The following DPP6 variants were observed in gnomAD, a reference collection of about 807,000 sequenced individuals.
The protein encoded by DPP6 is A-type potassium channel modulatory protein DPP6.
Under a neutral mutation model 122.6 loss-of-function variants are expected in DPP6, and 69 were observed. That is an observed-to-expected ratio of 0.56 (90% CI 0.46 to 0.69). The LOEUF (loss-of-function observed/expected upper bound fraction) is 0.69. Ranked by LOEUF, DPP6 falls within the 30% of genes least tolerant of loss-of-function variation. DPP6 has a pLI of 0.00. For synonymous variants in DPP6, 418 were observed against 433.1 expected, an observed-to-expected ratio of 0.97 and a Z score of 0.43; for missense variants, 928 against 1,116.9, an observed-to-expected ratio of 0.83 and a Z score of 2.41.
intron 1 of DPP6, among the ~76,000 whole-genome samples, chr7:154,083,139 G>A (rs1228883329): frequency 2.6e-5 from 4 of 151,974 alleles, no homozygotes; most frequent in South Asian, 2.1e-4. Context: ...GTGAGCCACC[G>A]TGCCTGGCCT....
At chr7:154,141,280 A>G (rs548908505) in intron 1 of DPP6, among the ~76,000 whole-genome samples, 2 of 152,354 alleles carry the variant, frequency 1.3e-5, no homozygotes, top group East Asian at 1.9e-4. Context: ...TAAACTTTTC[A>G]GTTAAGAAAA....
At chr7:154,238,564 C>T (rs920252783) in intron 1 of DPP6, among the ~76,000 whole-genome samples, 2 of 152,170 alleles carry the variant, frequency 1.3e-5, no homozygotes, top group African/African-American at 4.8e-5. Flanking sequence ...TGATTCAGAC[C>T]AGCAAACCAA....
intron 1 of DPP6, among the ~76,000 whole-genome samples, chr7:154,407,339 C>T (rs1484537843): frequency 6.6e-6 from 1 of 152,184 alleles, no homozygotes; most frequent in Non-Finnish European, 1.5e-5. Flanking sequence ...TCATTTTATG[C>T]ATGTAATATC....
At chr7:154,698,193 A>C (rs1470248632) in intron 7 of DPP6, among the ~76,000 whole-genome samples, 1 of 152,206 alleles carries the variant, frequency 6.6e-6, no homozygotes, top group Non-Finnish European at 1.5e-5. Context: ...ATTGTATACA[A>C]TTAAATACTT....
intron 1 of DPP6, among the ~76,000 whole-genome samples, chr7:154,296,160 G>A (rs1430137181): frequency 6.6e-6 from 1 of 151,986 alleles, no homozygotes; most frequent in East Asian, 2.0e-4. Flanking sequence ...TAGCCAGGAT[G>A]GTCTCAATCT....
At chr7:154,634,579 T>G (rs1193865030) in intron 5 of DPP6, among the ~76,000 whole-genome samples, 1 of 151,974 alleles carries the variant, frequency 6.6e-6, no homozygotes, top group Non-Finnish European at 1.5e-5. Context: ...GGTTTGGGGG[T>G]TTCTTGCCTA....
chr7:154,680,482 A>G (rs1164127115), intron 7 of DPP6, among the ~76,000 whole-genome samples: 2 of 152,210 alleles, frequency 1.3e-5, no homozygotes, highest in African/African-American at 4.8e-5. Context: ...ACCATTTAAG[A>G]TTATGATTAG....
At chr7:154,346,599 G>C (rs1217307261) in intron 1 of DPP6, among the ~76,000 whole-genome samples, 1 of 152,190 alleles carries the variant, frequency 6.6e-6, no homozygotes, top group African/African-American at 2.4e-5. Context: ...GAGCCACAGT[G>C]CCCAGGCCCT....
chr7:153,948,921 T>G (rs957595644), intron 1 of DPP6, among the ~76,000 whole-genome samples: 2 of 151,266 alleles, frequency 1.3e-5, no homozygotes, highest in Non-Finnish European at 2.9e-5. Context: ...TCAAGCAAAA[T>G]TGGGAAAGAA....
intron 1 of DPP6, among the ~76,000 whole-genome samples, chr7:154,066,381 C>G (rs553209950): frequency 6.6e-6 from 1 of 152,208 alleles, no homozygotes; most frequent in Non-Finnish European, 1.5e-5. Context: ...TACAATGATG[C>G]CACATTGCAA....
rs1796103044 is a variant in DPP6 at position 154,769,437 on chromosome 7, A to G, written c.904A>G (p.Ile302Val). 4.3e-6 allele frequency: 7 copies of G among 1,613,756 alleles called. No homozygotes were observed. Among genetic ancestry groups the G allele is most frequent in the East Asian group, 2.2e-5 (1 of 44,868 alleles). Residue 302 changes from isoleucine (I) to valine (V), a missense_variant, in exon 9 of 26, where the codon ATC (isoleucine) becomes GTC (valine). Ile to Val is a conservative substitution (Grantham distance 29). Coordinates refer to ENST00000377770, the MANE Select transcript of DPP6 (RefSeq NM_130797.4). ...CTTAGAGGAGATTTTGAAGACACAC[A>G]TCGCACACTGGTGGTCTCCGGATGG... ...LYEEEILKTH[I>V]AHWWSPDGTR...
At chr7:154,869,649 C>T (rs1804211505) in intron 18 of DPP6, among the ~76,000 whole-genome samples, 1 of 152,224 alleles carries the variant, frequency 6.6e-6, no homozygotes, top group Admixed American at 6.5e-5. Flanking sequence ...GGGCCCTGCA[C>T]AGGGACCCTC....
At chr7:153,905,346 G>C (rs1374417562) in intron 1 of DPP6, among the ~76,000 whole-genome samples, 1 of 152,160 alleles carries the variant, frequency 6.6e-6, no homozygotes, top group Admixed American at 6.5e-5. Flanking sequence ...AGAAGAGCAG[G>C]AGGGGGAGTG....
At chr7:154,180,152 A>G (rs920094193) in intron 1 of DPP6, among the ~76,000 whole-genome samples, 1 of 152,068 alleles carries the variant, frequency 6.6e-6, no homozygotes. Flanking sequence ...GTTCAAGACC[A>G]GCCTGGCAAA....
chr7:153,966,637 T>C (rs1347717067), intron 1 of DPP6, among the ~76,000 whole-genome samples: 1 of 147,618 alleles, frequency 6.8e-6, no homozygotes, highest in Non-Finnish European at 1.5e-5. Context: ...ATTTTTACAG[T>C]ATATGTGCAC....
intron 10 of DPP6, among the ~76,000 whole-genome samples, chr7:154,775,938 G>A (rs375118447): frequency 3.2e-4 from 48 of 152,040 alleles, no homozygotes; most frequent in South Asian, 1.0e-3. Flanking sequence ...CCTCCTTTAC[G>A]TCCCTCTGTG....
chr7:154,763,579 C>T lies in DPP6; in HGVS notation c.884-5838C>T, dbSNP rs145944126. On this transcript the variant is annotated intron_variant, in intron 8 of 25. Coordinates refer to ENST00000377770, the MANE Select transcript of DPP6 (RefSeq NM_130797.4). ...TTCCACAGCCTCCATCAGCAGCCTG[C>T]GTGCTCCTAATAAAAATGCATCCTA... is the stretch of plus-strand genomic sequence containing the variant. 3.3e-3 allele frequency among the ~76,000 whole-genome samples: 496 copies of T among 152,266 alleles called. 2 individuals are homozygous for T. Among genetic ancestry groups the T allele is most frequent in the African/African-American group, 0.011 (468 of 41,550 alleles).
At chr7:154,605,151 T>C in intron 5 of DPP6, among the ~76,000 whole-genome samples, 1 of 119,902 alleles carries the variant, frequency 8.3e-6, no homozygotes, top group East Asian at 3.5e-4. Context: ...GTGATCGTAT[T>C]GTTCCTTTTT....
intron 1 of DPP6, among the ~76,000 whole-genome samples, chr7:154,228,073 A>G (rs2150843993): frequency 6.6e-6 from 1 of 152,362 alleles, no homozygotes; most frequent in Non-Finnish European, 1.5e-5. Context: ...TATAAACTCC[A>G]TAGCCCAAGC....
Sources: gnomAD v4.1 joint callset for allele counts (sites outside exome capture counted in the v4.1 genomes callset) on GRCh38, gnomAD v4.1.1 for gene constraint, MANE v1.5 for transcripts, NCBI Gene and HGNC (gene_info 2026-07-23, HGNC 2026-07-21) for gene names.